The following NOSTRIN variants were observed in gnomAD, a reference collection of about 807,000 sequenced individuals.
NOSTRIN encodes nitric oxide synthase trafficking.
A neutral mutation model predicts 59.0 loss-of-function variants in NOSTRIN; 63 were observed. That is an observed-to-expected ratio of 1.07 (90% CI 0.87 to 1.32). The LOEUF is 1.32. Among genes scored for constraint, NOSTRIN ranks in the 40% most tolerant of loss-of-function variants. The pLI is 0.00. For synonymous variants in NOSTRIN, 200 were observed against 165.4 expected (o/e 1.21, Z -1.61); for missense variants, 512 against 473.1 (o/e 1.08, Z -0.76).
intron 15 of NOSTRIN, among the ~76,000 whole-genome samples, chr2:168,863,886 A>AAGGATATATGATCCAAC (rs1689661640): frequency 6.6e-6 from 1 of 152,134 alleles, no homozygotes; most frequent in Non-Finnish European, 1.5e-5. Context: ...CAGGCAGCAT[A>AAGGATATATGATCCAAC]AGGATATATG....
intron 12 of NOSTRIN, among the ~76,000 whole-genome samples, chr2:168,858,348 G>A (rs1689243559): frequency 6.6e-6 from 1 of 152,214 alleles, no homozygotes; most frequent in Non-Finnish European, 1.5e-5. Context: ...CTGCATCTGG[G>A]TAGACAGAAA....
At chr2:168,799,823 C>T (rs990360076), upstream of NOSTRIN, among the ~76,000 whole-genome samples, 17 of 152,330 alleles carry the variant, frequency 1.1e-4, 1 homozygote, top group African/African-American at 4.1e-4. Context: ...CATTCAAGAA[C>T]AAATATTAAG....
intron 7 of NOSTRIN, among the ~76,000 whole-genome samples, chr2:168,841,418 T>A (rs1217357143): frequency 6.6e-6 from 1 of 152,166 alleles, no homozygotes; most frequent in Admixed American, 6.5e-5. Context: ...GGGAGTTTTA[T>A]ATTACTGTAC....
At chr2:168,834,166 A>C in intron 6 of NOSTRIN, 61 bp from the exon 7 acceptor site, 1 of 808,744 alleles carries the variant, frequency 1.2e-6, no homozygotes, top group Non-Finnish European at 2.2e-6. Context: ...AAAAGAGGAG[A>C]GTTTTCTCTT....
intron 3 of NOSTRIN, among the ~76,000 whole-genome samples, chr2:168,827,264 C>T (rs890819079): frequency 6.6e-6 from 1 of 152,168 alleles, no homozygotes; most frequent in African/African-American, 2.4e-5. Flanking sequence ...AATGACATCA[C>T]ACTCCCTAAT....
At chr2:168,847,860 C>A (rs148551397) in intron 8 of NOSTRIN, among the ~76,000 whole-genome samples, 10 of 152,338 alleles carry the variant, frequency 6.6e-5, no homozygotes, top group Admixed American at 6.5e-4. Flanking sequence ...TCCTCCTCTT[C>A]TTATGAGCAA....
chr2:168,814,676 A>G (rs1686309060), intron 2 of NOSTRIN, among the ~76,000 whole-genome samples: 1 of 152,180 alleles, frequency 6.6e-6, no homozygotes, highest in African/African-American at 2.4e-5. Context: ...ATCTGTGGCC[A>G]GCATAATTCA....
At chr2:168,863,630 G>C in intron 15 of NOSTRIN, 6 of 983,516 alleles carry the variant, frequency 6.1e-6, no homozygotes, top group Non-Finnish European at 7.2e-6. Flanking sequence ...TGAATGGGGA[G>C]TTACATTTTG....
At chr2:168,815,411 T>C (rs1686342952) in intron 2 of NOSTRIN, among the ~76,000 whole-genome samples, 1 of 152,292 alleles carries the variant, frequency 6.6e-6, no homozygotes, top group Non-Finnish European at 1.5e-5. Context: ...CAGAAACACT[T>C]TGTGAATGTT....
chr2:168,788,892 A>T (rs897678176), intron 2 of NOSTRIN, among the ~76,000 whole-genome samples: 7 of 148,394 alleles, frequency 4.7e-5, no homozygotes, highest in East Asian at 2.0e-4. Flanking sequence ...CACAGATAAA[A>T]AGATAGATAG....
chr2:168,807,767 G>C (rs1247884176), intron 1 of NOSTRIN, among the ~76,000 whole-genome samples: 1 of 152,116 alleles, frequency 6.6e-6, no homozygotes, highest in Non-Finnish European at 1.5e-5. Flanking sequence ...CCTCTTCCTG[G>C]AACAATTTTG....
At chr2:168,798,982 A>G (rs1202595683), upstream of NOSTRIN, among the ~76,000 whole-genome samples, 3 of 152,238 alleles carry the variant, frequency 2.0e-5, no homozygotes, top group South Asian at 2.1e-4. Flanking sequence ...CCTAGAAGCA[A>G]TCATGTAAAG....
rs1689608531 is a variant in NOSTRIN, at chr2:168,863,417, A to AAATC, written c.1384+1370_1384+1373dup. ...GGAAAAGAGTGAAAGGAAGACTGAAAAATCACCTCAGAATGATGCCAAATA... is the reference window on the plus strand; with the variant it reads ...GGAAAAGAGTGAAAGGAAGACTGAAAAATCAATCACCTCAGAATGATGCCAAATA... On this transcript the variant is annotated intron_variant, in intron 15 of 15. Transcript: ENST00000317647. 3 of 985,042 alleles carry AAATC rather than the reference A, an allele frequency of 3.0e-6. No homozygotes were observed. The African/African-American group carries it at 5.2e-5, about 17-fold the overall frequency. 61.0% of individuals were successfully genotyped at this position (985,042 alleles called of 1,614,324 possible).
At chr2:168,801,994 T>C (rs973110999), upstream of NOSTRIN, among the ~76,000 whole-genome samples, 3 of 152,154 alleles carry the variant, frequency 2.0e-5, no homozygotes, top group Admixed American at 2.0e-4. Context: ...TCTATAGTTA[T>C]AGTTCTATAG....
intron 2 of NOSTRIN, among the ~76,000 whole-genome samples, chr2:168,819,098 T>A (rs1686578570): frequency 6.6e-6 from 1 of 152,082 alleles, no homozygotes; most frequent in South Asian, 2.1e-4. Context: ...TACAAGCTTG[T>A]TTCTGACTAT....
chr2:168,841,235 C>CAAAAAAAAAAAAAAAAAAA (rs57480764), intron 7 of NOSTRIN, among the ~76,000 whole-genome samples: 12 of 106,586 alleles, frequency 1.1e-4, no homozygotes, highest in African/African-American at 3.9e-4. Context: ...ACCCTGTCTC[C>CAAAAAAAAAAAAAAAAAAA]AAAAAAAAAA....
chr2:168,850,920 T>C, intron 8 of NOSTRIN, 164 bp from the exon 9 acceptor site: 1 of 800,448 alleles, frequency 1.2e-6, no homozygotes, highest in Non-Finnish European at 2.1e-6. Context: ...CCAAGACACA[T>C]TCCTTCCTGG....
At chr2:168,790,018 A>C (rs1685307378) in intron 2 of NOSTRIN, among the ~76,000 whole-genome samples, 1 of 152,208 alleles carries the variant, frequency 6.6e-6, no homozygotes, top group African/African-American at 2.4e-5. Context: ...CAGTCCTAAC[A>C]GGCCCCCAGC....
At chr2:168,862,078 G>GCCTT (rs1297918355) in intron 15 of NOSTRIN, 29 bp downstream of exon 15, 19 of 1,583,610 alleles carry the variant, frequency 1.2e-5, no homozygotes, top group Non-Finnish European at 1.6e-5. Flanking sequence ...TATTTTAATT[G>GCCTT]CCTTCCCATA....
Sources: gnomAD v4.1 joint callset for allele counts (sites outside exome capture counted in the v4.1 genomes callset) on GRCh38, gnomAD v4.1.1 for gene constraint, MANE v1.5 for transcripts, NCBI Gene and HGNC (gene_info 2026-07-23, HGNC 2026-07-21) for gene names.